Variants in MEIOC observed in about 807,000 individuals in gnomAD.
MEIOC encodes meiosis-specific coiled-coil domain-containing protein MEIOC.
In MEIOC, 9 loss-of-function variants were observed where a neutral mutation model predicts 85.3. The observed-to-expected ratio is 0.11, with a 90% CI of 0.06 to 0.18. The LOEUF (loss-of-function observed/expected upper bound fraction) is 0.18. MEIOC is among the 10% of genes least tolerant of loss of function. The pLI, the probability that MEIOC is intolerant of heterozygous loss-of-function variation, is 1.00. For missense variants in MEIOC, 898 were observed against 1,129.4 expected, an observed-to-expected ratio of 0.80 and a Z score of 2.94; for synonymous variants, 365 against 393.7, an observed-to-expected ratio of 0.93 and a Z score of 0.86.
rs1006077134 is a variant in MEIOC at position 44,657,115 on chromosome 17, C to G, written c.70-12C>G. 6.5e-7 allele frequency: 1 copy of G among 1,547,144 alleles called. No homozygotes were observed. Among genetic ancestry groups the G allele is most frequent in the Non-Finnish European group, 8.7e-7 (1 of 1,146,190 alleles). On this transcript the variant is annotated splice_polypyrimidine_tract_variant and intron_variant, in intron 1 of 7. Transcript: ENST00000409122. ...ACCACTTTCTGATATTTCCTATTCC[C>G]GTGTGCTGCAGCCCAAAGTCGCGTT...
intron 5 of MEIOC, 86 bp from the exon 6 acceptor site, chr17:44,669,297 T>C: frequency 9.2e-7 from 1 of 1,086,650 alleles, no homozygotes; most frequent in East Asian, 2.6e-5. Flanking sequence ...GGTAATACTC[T>C]ATTTATTAGG....
At chr17:44,656,929 C>G (rs1300015955) in intron 1 of MEIOC, among the ~76,000 whole-genome samples, 198 bp from the exon 2 acceptor site, 1 of 151,840 alleles carries the variant, frequency 6.6e-6, no homozygotes, top group Non-Finnish European at 1.5e-5. Context: ...GGAGGGGCGC[C>G]CCTCGGGGTC....
In MEIOC at chr17:44,665,407, A is replaced by G; in HGVS notation, c.383A>G (p.Tyr128Cys). 6.5e-7 allele frequency: 1 copy of G among 1,542,782 alleles called. No individual in the cohort carries two copies. The highest frequency in any genetic ancestry group is 1.2e-5 in the South Asian group (1 of 82,122). ...AGGATTCAAACAGAAAGAAATGACT[A>G]TGGCAGTGAAACAGACTTATATGGA... ...KNRIQTERND[Y>C]GSETDLYGLV... The change falls in exon 4 of 8, where the codon TAT becomes TGT. Residue 128 changes from tyrosine (Y) to cysteine (C), a missense_variant. Coordinates refer to ENST00000409122, the MANE Select transcript of MEIOC (RefSeq NM_001145080.3).
chr17:44,668,046 A>T lies in MEIOC; in HGVS notation c.2135A>T (p.Tyr712Phe), dbSNP rs774457557. The T allele has an allele frequency of 6.2e-7, 1 of 1,613,458 alleles. No individual in the cohort carries two copies. The highest frequency in any genetic ancestry group is 2.2e-5 in the East Asian group (1 of 44,878). The change falls in exon 5 of 8, where the codon TAT becomes TTT. Residue 712 changes from tyrosine to phenylalanine, a missense_variant. Transcript: ENST00000409122. The part of the protein sequence containing the change: ...PLLDSYDLLS[Y>F]DDLSHLYPYF... ...TTGGATTCCTATGACTTACTTTCTT[A>T]TGATGACTTAAGCCATTTGTACCCT...
intron 2 of MEIOC, among the ~76,000 whole-genome samples, chr17:44,657,918 C>G (rs1391273115): frequency 6.6e-6 from 1 of 151,918 alleles, no homozygotes; most frequent in East Asian, 1.9e-4. Flanking sequence ...GTGGTGCGAT[C>G]TCGGATCACT....
intron 2 of MEIOC, among the ~76,000 whole-genome samples, chr17:44,661,826 G>C (rs1357274776): frequency 2.6e-5 from 4 of 152,118 alleles, no homozygotes; most frequent in Admixed American, 2.0e-4. Context: ...TTACAGGCTT[G>C]AGCCACCGCG....
rs144880520 is a variant in MEIOC at position 44,667,140 on chromosome 17, C to T, written c.1229C>T (p.Ala410Val). ...HLTEKQFAKE[A>V]VFTADFGLTS... ...ACAGAGAAACAGTTTGCAAAGGAAG[C>T]AGTATTCACTGCTGATTTTGGCTTA... Residue 410 changes from alanine (A) to valine (V), a missense_variant, in exon 5 of 8, where the codon GCA becomes GTA. Ala to Val is a moderately conservative substitution (Grantham distance 64, BLOSUM62 0). Transcript: ENST00000409122. 1 of 1,613,848 alleles carries T rather than the reference C, an allele frequency of 6.2e-7. No individual in the cohort carries two copies. Among genetic ancestry groups the T allele is most frequent in the South Asian group, 1.1e-5 (1 of 91,080 alleles).
intron 7 of MEIOC, 48 bp from the exon 8 acceptor site, chr17:44,673,928 A>G: frequency 5.9e-6 from 9 of 1,528,014 alleles, no homozygotes; most frequent in Non-Finnish European, 8.0e-6. Context: ...TTTAACAGAT[A>G]TTTAAATGGC....
Position 44,673,406 on chromosome 17 carries a change from CTCT to C in MEIOC, c.2504_2506del (p.Leu835del). ...GGCAAAATGGAACGTCTTCGGAGTT[CTCT>C]TCTTCATGCCAGTATCTCTACTGCT... is the stretch of plus-strand genomic sequence containing the variant. On this transcript the variant is annotated inframe_deletion, in exon 7 of 8. Coordinates refer to ENST00000409122, the MANE Select transcript of MEIOC (RefSeq NM_001145080.3). 3 of 1,549,070 alleles carry C rather than the reference CTCT, an allele frequency of 1.9e-6. No individual in the cohort carries two copies. Among genetic ancestry groups the C allele is most frequent in the Non-Finnish European group, 2.6e-6 (3 of 1,146,270 alleles).
chr17:44,668,368 G>GCGAGAC, intron 5 of MEIOC, 135 bp downstream of exon 5: 1 of 836,208 alleles, frequency 1.2e-6, no homozygotes, highest in Non-Finnish European at 1.8e-6. Context: ...AAGAGACAGA[G>GCGAGAC]TCTCGCTCTG....
chr17:44,666,001 A>AT (rs1349329819), intron 4 of MEIOC, among the ~76,000 whole-genome samples: 2 of 152,084 alleles, frequency 1.3e-5, no homozygotes, highest in Non-Finnish European at 2.9e-5. Context: ...AGCAAAACAC[A>AT]TTTTTTTCAT....
intron 6 of MEIOC, chr17:44,671,175 C>T (rs1972003955): frequency 1.3e-5 from 2 of 150,694 alleles, no homozygotes; most frequent in African/African-American, 2.4e-5. Context: ...CAGAGCCTAA[C>T]ATATGAGGTA....
Position 44,666,779 on chromosome 17 carries a change from T to C in MEIOC, c.868T>C (p.Tyr290His), listed in dbSNP as rs777112732. The change falls in exon 5 of 8, where the codon TAT becomes CAT. Residue 290 changes from tyrosine (Y) to histidine (H), a missense_variant. Tyr to His is a moderately conservative substitution (Grantham distance 83). Transcript: ENST00000409122. ...AGAATCAGGAGTTGATATCTACCATTATGGAAGAGACAGAATATGTACTAA... is the reference window on the plus strand; with the variant it reads ...AGAATCAGGAGTTGATATCTACCATCATGGAAGAGACAGAATATGTACTAA... ...MKESGVDIYH[Y>H]GRDRICTKGL... 59 of 1,613,490 alleles carry C rather than the reference T, an allele frequency of 3.7e-5. No individual in the cohort carries two copies. The highest frequency in any genetic ancestry group is 1.7e-4 in the Middle Eastern group (1 of 6,060).
chr17:44,658,829 A>G (rs142308469), intron 2 of MEIOC, among the ~76,000 whole-genome samples: 89 of 152,066 alleles, frequency 5.9e-4, no homozygotes, highest in African/African-American at 2.0e-3. Flanking sequence ...AACAAATTGA[A>G]GAATAAGATT....
At chr17:44,669,295 T>TTACGAAAA in intron 5 of MEIOC, 88 bp from the exon 6 acceptor site, 8 of 1,047,738 alleles carry the variant, frequency 7.6e-6, no homozygotes, top group Non-Finnish European at 4.1e-6. Flanking sequence ...GTGGTAATAC[T>TTACGAAAA]CTATTTATTA....
chr17:44,669,321 T>C (rs1971963196), intron 5 of MEIOC, 62 bp from the exon 6 acceptor site: 1 of 1,338,316 alleles, frequency 7.5e-7, no homozygotes, highest in Admixed American at 2.3e-5. Flanking sequence ...ACGAAAACTA[T>C]TATTCATGGT....
At chr17:44,670,643 G>A (rs1181593946) in intron 6 of MEIOC, 1 of 145,782 alleles carries the variant, frequency 6.9e-6, no homozygotes, top group African/African-American at 2.5e-5. Context: ...GGGTTCAAGA[G>A]ATCCTCCTGC....
At position 44,662,861 on chromosome 17, in the gene MEIOC, C is replaced by T. The variant is rs139981717; in HGVS notation, c.359+390C>T. Among the ~76,000 whole-genome samples, 886 of 152,250 alleles carry T rather than the reference C, an allele frequency of 5.8e-3. 9 individuals are homozygous for T. Among genetic ancestry groups the T allele is most frequent in the African/African-American group, 0.02 (847 of 41,552 alleles). On this transcript the variant is annotated intron_variant, in intron 3 of 7. Coordinates refer to ENST00000409122, the MANE Select transcript of MEIOC (RefSeq NM_001145080.3). ...GCCTTTTCTTTTTAAGAAACGAGGT[C>T]TCACTTTGTTGCCTAGGCTGGTCTT...
chr17:44,656,982 G>A, intron 1 of MEIOC, 145 bp from the exon 2 acceptor site: 1 of 975,500 alleles, frequency 1.0e-6, no homozygotes, highest in Non-Finnish European at 1.4e-6. Context: ...TCCCGAGGCT[G>A]GAAGCGCGGG....
Sources: gnomAD v4.1 joint callset for allele counts (sites outside exome capture counted in the v4.1 genomes callset) on GRCh38, gnomAD v4.1.1 for gene constraint, MANE v1.5 for transcripts, NCBI Gene and HGNC (gene_info 2026-07-23, HGNC 2026-07-21) for gene names.